SGK3: variants seen among roughly 807,000 people sequenced by gnomAD.
SGK3 encodes serum/glucocorticoid regulated kinase family member 3.
A neutral mutation model predicts 68.5 loss-of-function variants in SGK3; 47 were observed. That is an observed-to-expected ratio of 0.69 (90% CI 0.54 to 0.87). SGK3 has a LOEUF of 0.87. Among genes scored for constraint, SGK3 ranks in the 40% least tolerant of loss-of-function variants. The pLI is 0.00. For missense variants in SGK3, 479 were observed against 575.5 expected (o/e 0.83, Z 1.72); for synonymous variants, 181 against 189.1 (o/e 0.96, Z 0.35).
At chr8:66,831,409 C>G in intron 8 of SGK3, 98 bp downstream of exon 8, 1 of 1,417,848 alleles carries the variant, frequency 7.1e-7, no homozygotes, top group Non-Finnish European at 9.8e-7. Flanking sequence ...TGTAGTGGTG[C>G]AGTCATAGCA....
At position 66,793,732 on chromosome 8, in the gene SGK3, A is replaced by G; in HGVS notation, c.-5A>G. The G allele has an allele frequency of 1.9e-6, 3 of 1,612,208 alleles. No homozygotes were observed. Among genetic ancestry groups the G allele is most frequent in the Non-Finnish European group, 2.5e-6 (3 of 1,178,930 alleles). ...GCATTTTTTGGTGTGCTCTTGAGGG[A>G]TTAAATGCAAAGAGATCACACCATG... On this transcript the variant is annotated 5_prime_UTR_variant, in exon 2 of 17. Coordinates refer to ENST00000521198, the MANE Select transcript of SGK3 (RefSeq NM_001033578.3).
intron 1 of SGK3, among the ~76,000 whole-genome samples, chr8:66,744,496 TA>T (rs1805573193): frequency 1.3e-4 from 3 of 23,058 alleles, no homozygotes; most frequent in Non-Finnish European, 2.9e-4. Flanking sequence ...TATATATATA[TA>T]TATATATATA....
At chr8:66,808,599 C>T (rs1000994127) in intron 4 of SGK3, among the ~76,000 whole-genome samples, 1 of 151,560 alleles carries the variant, frequency 6.6e-6, no homozygotes, top group African/African-American at 2.4e-5. Context: ...CCACAGCCTC[C>T]ACCTCCTGAG....
Position 66,760,190 on chromosome 8 carries a change from AGCAGACGAGGTCATGGTG to A in SGK3, c.-121-33420_-121-33403del, listed in dbSNP as rs375335412. ...TCAGAAAAATTTCTCAGTGGAGGAG[AGCAGACGAGGTCATGGTG>A]GCAGAAACTAATTTTCCAAAGCTCT... On this transcript the variant is annotated intron_variant, in intron 1 of 16. Transcript: ENST00000521198. Among the ~76,000 whole-genome samples, 444 of 152,260 alleles carry A rather than the reference AGCAGACGAGGTCATGGTG, an allele frequency of 2.9e-3. 3 individuals are homozygous for A. Among genetic ancestry groups the A allele is most frequent in the African/African-American group, 0.01 (432 of 41,536 alleles).
intron 8 of SGK3, among the ~76,000 whole-genome samples, chr8:66,835,142 C>T (rs967220556): frequency 1.1e-4 from 16 of 152,180 alleles, no homozygotes; most frequent in East Asian, 1.9e-4. Flanking sequence ...TGGTGGCACA[C>T]GCCTGTAGTC....
intron 1 of SGK3, among the ~76,000 whole-genome samples, chr8:66,723,089 TCATA>T (rs1480652147): frequency 7.3e-4 from 42 of 57,492 alleles, no homozygotes; most frequent in Non-Finnish European, 9.2e-4. Flanking sequence ...AAGATTTTGT[TCATA>T]TATATATATA....
chr8:66,724,244 C>T (rs2130347189), intron 1 of SGK3, among the ~76,000 whole-genome samples: 1 of 152,298 alleles, frequency 6.6e-6, no homozygotes, highest in South Asian at 2.1e-4. Flanking sequence ...CTTCCCAAAA[C>T]ACTGGGATTA....
chr8:66,827,386 CA>C (rs757439616), intron 6 of SGK3, among the ~76,000 whole-genome samples: 5,947 of 52,334 alleles, frequency 0.11, 100 homozygotes, highest in African/African-American at 0.16. Context: ...AACTCTATCT[CA>C]AAAAAAAAAA....
In SGK3 at chr8:66,754,139, T is replaced by C. The variant is rs908511018; in HGVS notation, c.-121-39477T>C. On this transcript the variant is annotated intron_variant, in intron 1 of 16. Coordinates refer to ENST00000521198, the MANE Select transcript of SGK3 (RefSeq NM_001033578.3). ...GGGACTCACATAAGCTTCAGCAGAATTGGTTGTTAAAGGAAAGGTTGGGAT... is the reference window on the plus strand; with the variant it reads ...GGGACTCACATAAGCTTCAGCAGAACTGGTTGTTAAAGGAAAGGTTGGGAT... Among the ~76,000 whole-genome samples, 20 of 152,156 alleles carry C rather than the reference T, an allele frequency of 1.3e-4. No individual in the cohort carries two copies. In the East Asian group the frequency reaches 3.3e-3, roughly 25 times the overall value.
intron 15 of SGK3, among the ~76,000 whole-genome samples, chr8:66,848,406 ACT>A (rs1810126398): frequency 6.6e-6 from 1 of 152,122 alleles, no homozygotes. Context: ...CTCTGTATTA[ACT>A]ATTTCACACC....
At chr8:66,789,750 G>T (rs1380588314) in intron 1 of SGK3, among the ~76,000 whole-genome samples, 1 of 152,154 alleles carries the variant, frequency 6.6e-6, no homozygotes, top group Admixed American at 6.5e-5. Flanking sequence ...AAGGCCTGGA[G>T]AAAGATCAAC....
At chr8:66,814,284 C>T (rs1239715537) in intron 5 of SGK3, among the ~76,000 whole-genome samples, 3 of 152,088 alleles carry the variant, frequency 2.0e-5, no homozygotes, top group East Asian at 3.9e-4. Flanking sequence ...TCGTCCCTAC[C>T]GTCCAGAGGC....
At chr8:66,767,936 GC>G (rs1806374675) in intron 1 of SGK3, 1 of 1,007,254 alleles carries the variant, frequency 9.9e-7, no homozygotes, top group Non-Finnish European at 1.6e-6. Flanking sequence ...CCCAGCTTCA[GC>G]CCATCCTTTG....
At chr8:66,775,180 C>CGGGGCCTGCAGGTTT (rs1459257508) in intron 1 of SGK3, 4 of 152,410 alleles carry the variant, frequency 2.6e-5, no homozygotes, top group African/African-American at 9.6e-5. Flanking sequence ...CCGCAGGGGG[C>CGGGGCCTGCAGGTTT]GGGGCCTGCA....
At chr8:66,738,803 T>TGTATTTTTAG (rs958298866) in intron 1 of SGK3, among the ~76,000 whole-genome samples, 1 of 152,120 alleles carries the variant, frequency 6.6e-6, no homozygotes, top group Non-Finnish European at 1.5e-5. Flanking sequence ...AATTTTTTTT[T>TGTATTTTTAG]GTATTTTTAG....
At chr8:66,782,234 T>C (rs1378387816) in intron 1 of SGK3, among the ~76,000 whole-genome samples, 1 of 152,218 alleles carries the variant, frequency 6.6e-6, no homozygotes, top group Non-Finnish European at 1.5e-5. Flanking sequence ...GGGTCTATTC[T>C]CTTCTCAGAA....
chr8:66,786,482 C>G (rs1438696815), intron 1 of SGK3, among the ~76,000 whole-genome samples: 2 of 152,120 alleles, frequency 1.3e-5, no homozygotes, highest in Non-Finnish European at 2.9e-5. Flanking sequence ...TATTAGGTTG[C>G]CAGTTCAATT....
At chr8:66,789,630 A>G (rs1807353985) in intron 1 of SGK3, among the ~76,000 whole-genome samples, 2 of 152,118 alleles carry the variant, frequency 1.3e-5, no homozygotes. Context: ...GGTCTCTAGG[A>G]GATTAGTGGT....
intron 3 of SGK3, among the ~76,000 whole-genome samples, chr8:66,799,251 C>T (rs888129532): frequency 6.6e-6 from 1 of 152,130 alleles, no homozygotes; most frequent in Admixed American, 6.5e-5. Context: ...AGCAAAGAGC[C>T]AGGCACGATG....
Sources: allele counts gnomAD v4.1 joint callset (sites outside exome capture counted in the v4.1 genomes callset), GRCh38; gene constraint gnomAD v4.1.1; transcripts MANE v1.5; gene names NCBI Gene and HGNC (gene_info 2026-07-23, HGNC 2026-07-21).